SKAP1: variants seen among roughly 807,000 people sequenced by gnomAD.
The protein encoded by SKAP1 is src kinase-associated phosphoprotein 1.
Under a neutral mutation model 58.5 loss-of-function variants are expected in SKAP1, and 44 were observed. That is an observed-to-expected ratio of 0.75 (90% confidence interval 0.59 to 0.97). The LOEUF (loss-of-function observed/expected upper bound fraction) is 0.97, where lower values mean the gene tolerates loss of function less well. Among genes scored for constraint, SKAP1 ranks in the 50% least tolerant of loss-of-function variants. The probability of loss-of-function intolerance (pLI) is 0.00; values close to 1 mark genes in which losing one functional copy is unlikely to be tolerated. For missense variants in SKAP1, 390 were observed against 435.2 expected, an observed-to-expected ratio of 0.90 and a Z score of 0.92; for synonymous variants, 127 against 149.7, an observed-to-expected ratio of 0.85 and a Z score of 1.11.
intron 1 of SKAP1, among the ~76,000 whole-genome samples, chr17:48,420,225 C>T (rs2067777815): frequency 6.6e-6 from 1 of 152,126 alleles, no homozygotes; most frequent in South Asian, 2.1e-4. Context: ...TTAAGATTCT[C>T]AGATGGTGGT....
intron 4 of SKAP1, among the ~76,000 whole-genome samples, chr17:48,327,470 C>A (rs2066454032): frequency 1.3e-5 from 2 of 152,294 alleles, no homozygotes; most frequent in East Asian, 1.9e-4. Context: ...TGAAAAAATT[C>A]TTGCCCATGT....
At chr17:48,418,330 T>C (rs1275158050) in intron 1 of SKAP1, among the ~76,000 whole-genome samples, 1 of 152,108 alleles carries the variant, frequency 6.6e-6, no homozygotes, top group East Asian at 1.9e-4. Flanking sequence ...CACCAAATAT[T>C]CTATATACTT....
At position 48,189,473 on chromosome 17, in the gene SKAP1, T is replaced by A. The variant is rs1261334043; in HGVS notation, c.308A>T (p.Gln103Leu). Residue 103 changes from glutamine to leucine, a missense_variant, in exon 5 of 13, where the codon CAA becomes CTA. By Grantham distance (113) the Gln-to-Leu change is moderately radical. Coordinates refer to ENST00000336915, the MANE Select transcript of SKAP1 (RefSeq NM_003726.4). ...EGMEDIVKGAQELDNVIKQGY... is the reference protein window; with the variant it reads ...EGMEDIVKGALELDNVIKQGY... ...TTGCTTGATTACGTTATCAAGTTCTTGAGCTCCTTTTACGATGTCTTCCAT... is the reference window on the plus strand; with the variant it reads ...TTGCTTGATTACGTTATCAAGTTCTAGAGCTCCTTTTACGATGTCTTCCAT... 1 of 1,613,670 alleles carries A rather than the reference T, an allele frequency of 6.2e-7. No homozygotes were observed. The highest frequency in any genetic ancestry group is 2.2e-5 in the East Asian group (1 of 44,880).
At chr17:48,339,667 T>C (rs535933421) in intron 4 of SKAP1, among the ~76,000 whole-genome samples, 120 of 152,326 alleles carry the variant, frequency 7.9e-4, no homozygotes, top group Non-Finnish European at 1.4e-3. Flanking sequence ...ACTCCAAAGT[T>C]GTCAGCAAGA....
At chr17:48,411,111 T>C (rs34287661) in intron 1 of SKAP1, among the ~76,000 whole-genome samples, 4,456 of 151,826 alleles carry the variant, frequency 0.029, 242 homozygotes, top group African/African-American at 0.1. Context: ...AATAGATAAA[T>C]AAGTGAGGCC....
chr17:48,185,728 A>G (rs140664566), intron 6 of SKAP1, among the ~76,000 whole-genome samples: 14 of 152,324 alleles, frequency 9.2e-5, no homozygotes, highest in African/African-American at 3.1e-4. Flanking sequence ...AAAAGAAAGA[A>G]GAAGAAAAAA....
intron 4 of SKAP1, among the ~76,000 whole-genome samples, chr17:48,330,166 T>C (rs7211099): frequency 0.62 from 93,874 of 152,018 alleles, 29,739 homozygotes; most frequent in African/African-American, 0.76. Context: ...GGCTTTCTCT[T>C]GTACTCCTAG....
intron 4 of SKAP1, among the ~76,000 whole-genome samples, chr17:48,270,944 C>CG (rs1555610409): frequency 1.2e-5 from 1 of 84,920 alleles, no homozygotes; most frequent in Non-Finnish European, 2.3e-5. Flanking sequence ...CAGGTTTAAG[C>CG]GGGGGGAGGG....
Position 48,370,490 on chromosome 17 carries a change from A to G in SKAP1, c.153-6676T>C, listed in dbSNP as rs577088243. Among the ~76,000 whole-genome samples the G allele has an allele frequency of 3.3e-5, 5 of 152,122 alleles. No individual in the cohort carries two copies. The East Asian group carries it at 9.7e-4, about 29-fold the overall frequency. On this transcript the variant is annotated intron_variant, in intron 2 of 12. Transcript: ENST00000336915. ...GCTAATTATTGTATTTTTTGTAGAG[A>G]CAAGGTTTCTCAATGTTGCCCTAGG...
At position 48,385,813 on chromosome 17, in the gene SKAP1, C is replaced by T. The variant is rs985531437; in HGVS notation, c.152+10867G>A. 2.2e-4 allele frequency among the ~76,000 whole-genome samples: 34 copies of T among 151,984 alleles called. 1 individual carries two copies. In the East Asian group the frequency reaches 2.3e-3, roughly 10 times the overall value. ...ATTGTGGGGTTTGGTTATAACAGGA[C>T]GTAGATTCTAGGGAACACAGGGGAA... On this transcript the variant is annotated intron_variant, in intron 2 of 12. Coordinates refer to ENST00000336915, the MANE Select transcript of SKAP1 (RefSeq NM_003726.4).
At chr17:48,321,467 T>C (rs532601734) in intron 4 of SKAP1, among the ~76,000 whole-genome samples, 1 of 151,620 alleles carries the variant, frequency 6.6e-6, no homozygotes, top group African/African-American at 2.4e-5. Context: ...AAGCTCCGTC[T>C]TCCGGGTTCA....
chr17:48,246,763 C>T (rs2065301533), intron 4 of SKAP1, among the ~76,000 whole-genome samples: 1 of 152,176 alleles, frequency 6.6e-6, no homozygotes, highest in East Asian at 1.9e-4. Flanking sequence ...ACTGACTGAT[C>T]TCCTTGGAGC....
intron 4 of SKAP1, among the ~76,000 whole-genome samples, chr17:48,263,515 A>C (rs932705939): frequency 1.3e-5 from 2 of 152,206 alleles, no homozygotes; most frequent in Non-Finnish European, 2.9e-5. Flanking sequence ...GACTCTTCCA[A>C]TATTTTGGGG....
chr17:48,288,423 C>T (rs999886523), intron 4 of SKAP1, among the ~76,000 whole-genome samples: 20 of 152,218 alleles, frequency 1.3e-4, no homozygotes, highest in Admixed American at 1.2e-3. Flanking sequence ...CAGTGGCTCA[C>T]ACCTGTAATC....
chr17:48,297,010 C>G (rs902918366), intron 4 of SKAP1, among the ~76,000 whole-genome samples: 6 of 152,078 alleles, frequency 3.9e-5, no homozygotes, highest in Non-Finnish European at 7.4e-5. Context: ...ATTAATTTTC[C>G]TAACTCACAT....
chr17:48,442,497 A>G, the SKAP1 span, among the ~76,000 whole-genome samples: 11 of 152,222 alleles, frequency 7.2e-5, 1 homozygote, highest in East Asian at 2.1e-3. Context: ...GGACTCTGCT[A>G]TACTTGGTGT....
intron 4 of SKAP1, among the ~76,000 whole-genome samples, chr17:48,236,186 A>G (rs2065178368): frequency 6.6e-6 from 1 of 152,228 alleles, no homozygotes; most frequent in Admixed American, 6.5e-5. Flanking sequence ...TCACTTATTC[A>G]ATAAACATAC....
chr17:48,226,516 T>C (rs2065070392), intron 4 of SKAP1, among the ~76,000 whole-genome samples: 1 of 152,170 alleles, frequency 6.6e-6, no homozygotes, highest in African/African-American at 2.4e-5. Flanking sequence ...GATATCTAAG[T>C]CTACTTTAAC....
At chr17:48,212,717 A>T (rs1213472180) in intron 4 of SKAP1, among the ~76,000 whole-genome samples, 2 of 152,226 alleles carry the variant, frequency 1.3e-5, no homozygotes, top group African/African-American at 4.8e-5. Context: ...GGATGATTTT[A>T]AAAGTAAAGC....
Sources: gnomAD v4.1 joint callset for allele counts (sites outside exome capture counted in the v4.1 genomes callset) on GRCh38, gnomAD v4.1.1 for gene constraint, MANE v1.5 for transcripts, NCBI Gene and HGNC (gene_info 2026-07-23, HGNC 2026-07-21) for gene names.